Variants in SLC17A6 observed in about 807,000 individuals in gnomAD.
SLC17A6 encodes the protein solute carrier family 17 member 6.
SLC17A6 carries 35 observed loss-of-function variants against 67.1 expected under a neutral mutation model. That is an observed-to-expected ratio of 0.52 (90% CI 0.40 to 0.69). The LOEUF (loss-of-function observed/expected upper bound fraction) is 0.69, where lower values mean the gene tolerates loss of function less well. Ranked by LOEUF, SLC17A6 falls within the 30% of genes least tolerant of loss-of-function variation. The pLI, the probability that SLC17A6 is intolerant of heterozygous loss-of-function variation, is 0.00. For synonymous variants in SLC17A6, 285 were observed against 252.3 expected, an observed-to-expected ratio of 1.13 and a Z score of -1.23; for missense variants, 588 against 723.9, an observed-to-expected ratio of 0.81 and a Z score of 2.15.
intron 3 of SLC17A6, among the ~76,000 whole-genome samples, chr11:22,357,806 G>A (rs930595636): frequency 3.9e-5 from 6 of 152,130 alleles, no homozygotes; most frequent in African/African-American, 1.4e-4. Context: ...ACCTTAGCAT[G>A]CAAAATTATC....
At chr11:22,375,037 A>G in intron 9 of SLC17A6, 150 bp downstream of exon 9, 1 of 835,682 alleles carries the variant, frequency 1.2e-6, no homozygotes, top group Non-Finnish European at 1.8e-6. Context: ...CTCATATTAC[A>G]TCAAATTTTT....
chr11:22,370,228 G>T, intron 8 of SLC17A6, 40 bp downstream of exon 8: 1 of 1,506,134 alleles, frequency 6.6e-7, no homozygotes, highest in Non-Finnish European at 8.9e-7. Flanking sequence ...TGGATTACCT[G>T]TGTATTTAAG....
intron 8 of SLC17A6, among the ~76,000 whole-genome samples, chr11:22,374,427 C>T (rs1856208580): frequency 6.6e-6 from 1 of 151,842 alleles, no homozygotes; most frequent in African/African-American, 2.4e-5. Flanking sequence ...TCTCTCTCAC[C>T]ACTTTTCCTC....
At chr11:22,366,809 A>G (rs928956760) in intron 7 of SLC17A6, among the ~76,000 whole-genome samples, 8 of 152,088 alleles carry the variant, frequency 5.3e-5, no homozygotes, top group African/African-American at 1.9e-4. Context: ...GTTTGAGACC[A>G]GTCTGGCCAA....
Position 22,377,898 on chromosome 11 carries a change from A to G in SLC17A6, c.*158A>G. On this transcript the variant is annotated 3_prime_UTR_variant, in exon 12 of 12. Transcript: ENST00000263160. ...AAACAAACCCATGAGGTTACCATCA[A>G]GTGCAATCTGTAAAATTGTGAAGTT... The G allele has an allele frequency of 3.4e-6, 2 of 593,836 alleles. No homozygotes were observed. Among genetic ancestry groups the G allele is most frequent in the Non-Finnish European group, 5.8e-6 (2 of 343,962 alleles). 36.8% of individuals were successfully genotyped at this position (593,836 alleles called of 1,614,324 possible).
At chr11:22,344,430 C>A (rs535187095) in intron 3 of SLC17A6, among the ~76,000 whole-genome samples, 1 of 152,126 alleles carries the variant, frequency 6.6e-6, no homozygotes, top group African/African-American at 2.4e-5. Flanking sequence ...CTTTCACTAG[C>A]GGTGTCATTT....
chr11:22,360,526 TC>T (rs59936385), intron 4 of SLC17A6, among the ~76,000 whole-genome samples: 23,813 of 115,422 alleles, frequency 0.21, 2,177 homozygotes, highest in Non-Finnish European at 0.22. Context: ...CCGCTCTCCT[TC>T]CCCCCCCCCC....
intron 5 of SLC17A6, 35 bp downstream of exon 5, chr11:22,361,019 A>G: frequency 6.3e-7 from 1 of 1,575,076 alleles, no homozygotes; most frequent in Non-Finnish European, 8.7e-7. Flanking sequence ...TATGGTGGCT[A>G]AAAGTTTAGG....
Position 22,376,314 on chromosome 11 carries a change from T to C in SLC17A6, c.1285+222T>C, listed in dbSNP as rs75796468. On this transcript the variant is annotated intron_variant, in intron 10 of 11. Transcript: ENST00000263160. The stretch of plus-strand genomic sequence containing the variant: ...CCTGGACTGCCTTTTTTTGTTGTTG[T>C]TAAGAAAACATTACCTCTTCTCTGT... 5.3e-5 allele frequency among the ~76,000 whole-genome samples: 8 copies of C among 152,294 alleles called. No individual in the cohort carries two copies. The East Asian group carries it at 1.5e-3, about 29-fold the overall frequency.
intron 4 of SLC17A6, among the ~76,000 whole-genome samples, chr11:22,360,422 G>A (rs67945220): frequency 0.095 from 14,357 of 151,680 alleles, 760 homozygotes; most frequent in South Asian, 0.12. Context: ...AAACCACCAT[G>A]GCACACATTT....
At chr11:22,354,448 C>T (rs189498762) in intron 3 of SLC17A6, among the ~76,000 whole-genome samples, 155 of 152,264 alleles carry the variant, frequency 1.0e-3, no homozygotes, top group African/African-American at 3.5e-3. Flanking sequence ...CTTTTTGAAA[C>T]TTATACTTCG....
chr11:22,376,794 G>C, intron 11 of SLC17A6, 122 bp downstream of exon 11: 6 of 972,690 alleles, frequency 6.2e-6, no homozygotes, highest in Non-Finnish European at 9.3e-6. Flanking sequence ...CCACATCTCT[G>C]AGTGGGAAAT....
intron 3 of SLC17A6, among the ~76,000 whole-genome samples, chr11:22,352,638 G>GA (rs1011433312): frequency 6.6e-6 from 1 of 152,130 alleles, no homozygotes; most frequent in Non-Finnish European, 1.5e-5. Flanking sequence ...TTCTCCAAGA[G>GA]AAAAAATAAT....
rs991510669 is a variant in SLC17A6 at position 22,341,720 on chromosome 11, G to A, written c.279G>A (p.Val93=). 1.6e-5 allele frequency: 26 copies of A among 1,614,112 alleles called. No homozygotes were observed. The highest frequency in any genetic ancestry group is 1.7e-5 in the Admixed American group (1 of 60,012). ...TCGGTATCCGCTGCAACCTGGGCGT[G>A]GCCATTGTGGACATGGTCAACAACA... ...ISFGIRCNLG[V]AIVDMVNNST... is the part of the protein sequence containing the mutation. Residue 93 remains valine, a synonymous_variant, in exon 2 of 12, where the codon GTG becomes GTA. Transcript: ENST00000263160.
chr11:22,355,569 C>T (rs1461877009), intron 3 of SLC17A6, among the ~76,000 whole-genome samples: 1 of 152,064 alleles, frequency 6.6e-6, no homozygotes, highest in Non-Finnish European at 1.5e-5. Flanking sequence ...TGAAGTCACC[C>T]CAAACTCAAT....
intron 7 of SLC17A6, among the ~76,000 whole-genome samples, chr11:22,368,663 C>T (rs1856139837): frequency 6.6e-6 from 1 of 151,992 alleles, no homozygotes; most frequent in Admixed American, 6.6e-5. Flanking sequence ...TAATAGTATT[C>T]TGGAGTCATT....
chr11:22,348,490 G>A (rs1332461248), intron 3 of SLC17A6, among the ~76,000 whole-genome samples: 1 of 152,180 alleles, frequency 6.6e-6, no homozygotes, highest in Non-Finnish European at 1.5e-5. Flanking sequence ...ACTTGATAAT[G>A]ACTAAGATGA....
chr11:22,354,693 C>A (rs938920901), intron 3 of SLC17A6, among the ~76,000 whole-genome samples: 1 of 152,142 alleles, frequency 6.6e-6, no homozygotes, highest in Admixed American at 6.5e-5. Flanking sequence ...GGTTAGATAT[C>A]CAGGATCTAC....
At position 22,370,187 on chromosome 11, in the gene SLC17A6, A is replaced by C; in HGVS notation, c.1040A>C (p.Lys347Thr). 6.2e-7 allele frequency: 1 copy of C among 1,602,350 alleles called. No homozygotes were observed. The highest frequency in any genetic ancestry group is 8.5e-7 in the Non-Finnish European group (1 of 1,176,050). ...FEEVFGFEIS[K>T]VGMLSAVPHL... is the part of the protein sequence containing the mutation. ...GAAGTCTTTGGATTTGAAATTAGCA[A>C]GGTATGTAAAATGTATTCTTATATA... Residue 347 changes from lysine (K) to threonine (T), a missense_variant and splice_region_variant, in exon 8 of 12, where the codon AAG becomes ACG. By Grantham distance (78) the Lys-to-Thr change is moderately conservative. This residue lies in a region of SLC17A6 where 414 missense variants were observed against 563.4 expected (regional missense o/e 0.73). Transcript: ENST00000263160.
Sources: gnomAD v4.1 joint callset for allele counts (sites outside exome capture counted in the v4.1 genomes callset) on GRCh38, gnomAD v4.1.1 for gene constraint, gnomAD v4.1.1 regional missense constraint, MANE v1.5 for transcripts, NCBI Gene and HGNC (gene_info 2026-07-23, HGNC 2026-07-21) for gene names.